The following MCPH1 variants were observed in gnomAD, a reference collection of about 807,000 sequenced individuals.
MCPH1 encodes the protein microcephalin 1, also known as microcephalin.
MCPH1 carries 104 observed loss-of-function variants against 84.5 expected under a neutral mutation model. That is an observed-to-expected ratio of 1.23 (90% CI 1.05 to 1.45). The LOEUF is 1.45. Ranked by LOEUF, MCPH1 falls within the 40% of genes most tolerant of loss-of-function variation. The probability of loss-of-function intolerance (pLI) is 0.00; values close to 1 mark genes in which losing one functional copy is unlikely to be tolerated. For missense variants in MCPH1, 1,498 were observed against 1,005.7 expected, an observed-to-expected ratio of 1.49 and a Z score of -6.62; for synonymous variants, 514 against 366.8, an observed-to-expected ratio of 1.40 and a Z score of -4.58.
intron 13 of MCPH1, among the ~76,000 whole-genome samples, chr8:6,632,469 G>C (rs1482730552): frequency 6.6e-6 from 1 of 152,086 alleles, no homozygotes; most frequent in Non-Finnish European, 1.5e-5. Context: ...AGGCTACATT[G>C]ATCTTGACCT....
chr8:6,469,631 T>C (rs1176706064), intron 9 of MCPH1, among the ~76,000 whole-genome samples: 2 of 152,206 alleles, frequency 1.3e-5, no homozygotes, highest in African/African-American at 4.8e-5. Context: ...TTACTTATTC[T>C]TAAGGAAAAT....
At chr8:6,514,682 T>C (rs1815892033) in intron 12 of MCPH1, 2 of 1,613,832 alleles carry the variant, frequency 1.2e-6, no homozygotes, top group Non-Finnish European at 1.7e-6. Flanking sequence ...CTTACCACTT[T>C]ATATTCTTTC....
intron 9 of MCPH1, among the ~76,000 whole-genome samples, chr8:6,474,646 C>G (rs1808202347): frequency 6.6e-6 from 1 of 152,130 alleles, no homozygotes; most frequent in Admixed American, 6.5e-5. Context: ...GAGTAACGTT[C>G]ACTTATTTGA....
At position 6,435,944 on chromosome 8, in the gene MCPH1, A is replaced by G. The variant is rs1585746872; in HGVS notation, c.322-104A>G. 1.5e-5 allele frequency: 21 copies of G among 1,379,464 alleles called. No homozygotes were observed. In the East Asian group the frequency reaches 2.7e-4, roughly 18 times the overall value. 85.5% of individuals were successfully genotyped at this position (1,379,464 alleles called of 1,614,324 possible). Reference sequence around the variant, plus strand: ...AGAAACACCTCTTTTAGAATTTTTTATTACTGATGTTATAAAAGGTATCAG... The same window carrying G: ...AGAAACACCTCTTTTAGAATTTTTTGTTACTGATGTTATAAAAGGTATCAG... On this transcript the variant is annotated intron_variant, in intron 4 of 13. Transcript: ENST00000344683.
chr8:6,535,392 A>G (rs372165330), intron 12 of MCPH1, among the ~76,000 whole-genome samples: 1 of 151,590 alleles, frequency 6.6e-6, no homozygotes, highest in Non-Finnish European at 1.5e-5. Flanking sequence ...AAATTTCTTA[A>G]CCTGCCATAT....
intron 3 of MCPH1, among the ~76,000 whole-genome samples, chr8:6,421,996 A>G (rs1585649316): frequency 6.6e-6 from 1 of 152,346 alleles, no homozygotes; most frequent in South Asian, 2.1e-4. Context: ...AGGTCGCTTT[A>G]TCAGAAGAGC....
At chr8:6,412,830 G>C (rs569985121) in intron 2 of MCPH1, among the ~76,000 whole-genome samples, 1 of 152,294 alleles carries the variant, frequency 6.6e-6, no homozygotes, top group African/African-American at 2.4e-5. Context: ...TTGAGAGAGA[G>C]AGAGAGTTAT....
At chr8:6,547,217 A>C (rs958204464) in intron 12 of MCPH1, among the ~76,000 whole-genome samples, 1 of 151,998 alleles carries the variant, frequency 6.6e-6, no homozygotes, top group African/African-American at 2.4e-5. Flanking sequence ...TTATACAGAA[A>C]AGTCAAATTT....
intron 13 of MCPH1, among the ~76,000 whole-genome samples, chr8:6,632,224 C>T (rs1451341730): frequency 6.6e-6 from 1 of 152,116 alleles, no homozygotes; most frequent in Admixed American, 6.5e-5. Flanking sequence ...TACAGAGACT[C>T]AGTTTTGGAT....
intron 11 of MCPH1, among the ~76,000 whole-genome samples, chr8:6,493,163 T>C (rs1810844559): frequency 6.6e-6 from 1 of 152,262 alleles, no homozygotes; most frequent in Non-Finnish European, 1.5e-5. Context: ...TAAAGATGTT[T>C]GGACTTCACA....
chr8:6,596,094 G>A (rs578262789), intron 12 of MCPH1, among the ~76,000 whole-genome samples: 4 of 152,278 alleles, frequency 2.6e-5, no homozygotes, highest in South Asian at 4.2e-4. Context: ...GAGCACACCC[G>A]TGGAGTGGCC....
chr8:6,472,019 T>G (rs1807787521), intron 9 of MCPH1, among the ~76,000 whole-genome samples: 1 of 152,204 alleles, frequency 6.6e-6, no homozygotes. Flanking sequence ...TTAGTTATGG[T>G]GTGCAAAACA....
At chr8:6,591,535 C>T (rs916413553) in intron 12 of MCPH1, among the ~76,000 whole-genome samples, 2 of 152,184 alleles carry the variant, frequency 1.3e-5, no homozygotes, top group Admixed American at 6.5e-5. Context: ...TTTTAAAATA[C>T]CTGAATGTCC....
intron 3 of MCPH1, among the ~76,000 whole-genome samples, chr8:6,422,235 T>C (rs903879114): frequency 1.4e-4 from 21 of 152,230 alleles, no homozygotes; most frequent in African/African-American, 5.1e-4. Context: ...ATCTGGCTCA[T>C]AGTAGATGCT....
Position 6,432,554 on chromosome 8 carries a change from T to A in MCPH1, c.321+968T>A, listed in dbSNP as rs552656808. Among the ~76,000 whole-genome samples, 12 of 152,362 alleles carry A rather than the reference T, an allele frequency of 7.9e-5. No homozygotes were observed. The East Asian group carries it at 2.3e-3, about 29-fold the overall frequency. On this transcript the variant is annotated intron_variant, in intron 4 of 13. Transcript: ENST00000344683. ...AAGTTCTAATTGTGATTTCTTTATC[T>A]GAGGGTACTTTACTCTGAAACATCA...
At chr8:6,530,013 AT>A (rs1405843177) in intron 12 of MCPH1, among the ~76,000 whole-genome samples, 1 of 151,422 alleles carries the variant, frequency 6.6e-6, no homozygotes, top group African/African-American at 2.4e-5. Context: ...ATTATTTTTT[AT>A]TTTTTTAAAT....
At chr8:6,571,455 A>C (rs111898773) in intron 12 of MCPH1, among the ~76,000 whole-genome samples, 3,179 of 152,248 alleles carry the variant, frequency 0.021, 60 homozygotes, top group Non-Finnish European at 0.032. Context: ...CGTTGCTTCT[A>C]AAAAAATATG....
intron 7 of MCPH1, among the ~76,000 whole-genome samples, chr8:6,442,775 C>A (rs1011510977): frequency 6.6e-6 from 1 of 152,140 alleles, no homozygotes; most frequent in African/African-American, 2.4e-5. Flanking sequence ...AGCAGTGATC[C>A]CTGAAAGTAC....
At chr8:6,469,081 A>C (rs60525187) in intron 9 of MCPH1, among the ~76,000 whole-genome samples, 4,876 of 152,114 alleles carry the variant, frequency 0.032, 240 homozygotes, top group African/African-American at 0.11. Flanking sequence ...CCTGTGGTCC[A>C]AGCTACTAGG....
Sources: gnomAD v4.1 joint callset for allele counts (sites outside exome capture counted in the v4.1 genomes callset) on GRCh38, gnomAD v4.1.1 for gene constraint, MANE v1.5 for transcripts, NCBI Gene and HGNC (gene_info 2026-07-23, HGNC 2026-07-21) for gene names.